Variants in IL16 observed in about 807,000 individuals in gnomAD.
IL16 encodes the protein interleukin 16.
Under a neutral mutation model 110.1 loss-of-function variants are expected in IL16, and 67 were observed. The ratio of observed to expected loss-of-function variants is 0.61; its 90% confidence interval spans 0.50 to 0.75. The LOEUF (loss-of-function observed/expected upper bound fraction) is 0.75. IL16 is among the 30% of genes least tolerant of loss of function. The probability of loss-of-function intolerance (pLI) is 0.00; values close to 1 mark genes in which losing one functional copy is unlikely to be tolerated. For missense variants in IL16, 1,545 were observed against 1,655.0 expected, an observed-to-expected ratio of 0.93 and a Z score of 1.15; for synonymous variants, 689 against 662.9, an observed-to-expected ratio of 1.04 and a Z score of -0.61.
At chr15:81,200,951 C>G (rs756484884) in intron 1 of IL16, among the ~76,000 whole-genome samples, 2 of 152,128 alleles carry the variant, frequency 1.3e-5, no homozygotes, top group Non-Finnish European at 2.9e-5. Flanking sequence ...CAGTCTTATG[C>G]GCTTTCCCTC....
chr15:81,195,121 A>G, upstream of IL16, among the ~76,000 whole-genome samples: 1 of 152,174 alleles, frequency 6.6e-6, no homozygotes, highest in East Asian at 1.9e-4. Flanking sequence ...AGTCTCAACT[A>G]CACTTTGGAA....
intron 11 of IL16, among the ~76,000 whole-genome samples, chr15:81,291,125 T>C (rs189389072): frequency 6.8e-4 from 103 of 152,314 alleles, no homozygotes; most frequent in African/African-American, 2.2e-3. Context: ...TGCCTAGCCA[T>C]TGGGCATTAA....
chr15:81,281,455 C>T (rs1412726317), intron 8 of IL16, among the ~76,000 whole-genome samples: 2 of 152,228 alleles, frequency 1.3e-5, no homozygotes, highest in South Asian at 2.1e-4. Flanking sequence ...CATGCAGCTA[C>T]GTTCAAACTT....
chr15:81,245,221 A>G (rs559034631), intron 2 of IL16, among the ~76,000 whole-genome samples: 48 of 152,306 alleles, frequency 3.2e-4, no homozygotes, highest in African/African-American at 1.1e-3. Context: ...GTAATTTTCA[A>G]TTGAATCCTG....
At chr15:81,210,590 C>T (rs753043072) in intron 1 of IL16, among the ~76,000 whole-genome samples, 5 of 151,896 alleles carry the variant, frequency 3.3e-5, no homozygotes, top group Non-Finnish European at 5.9e-5. Flanking sequence ...CTTCGTTATT[C>T]ATTTTCTTTG....
rs1353675327 is a variant in IL16 at position 81,311,481 on chromosome 15, C to G, written c.*2683C>G. On this transcript the variant is annotated 3_prime_UTR_variant, in exon 19 of 19. Coordinates refer to ENST00000683961, the MANE Select transcript of IL16 (RefSeq NM_172217.5). ...ATGTTTTCCAGCTCCTCATCCAGGG[C>G]TCTGACCAGTTTAACCTGATGCAGT... is the stretch of plus-strand genomic sequence containing the variant. 1 of 152,252 alleles carries G rather than the reference C, an allele frequency of 6.6e-6. No individual in the cohort carries two copies. Among genetic ancestry groups the G allele is most frequent in the African/African-American group, 2.4e-5 (1 of 41,450 alleles). The allele number at this position is 152,252 out of a possible 1,614,324, so 9.4% of individuals were successfully genotyped here.
chr15:81,291,850 G>C, intron 11 of IL16: 1 of 452,474 alleles, frequency 2.2e-6, no homozygotes, highest in Non-Finnish European at 4.5e-6. Context: ...GCCTTGACAG[G>C]TAGTTTCTCT....
In IL16 at chr15:81,265,749, G is replaced by A. The variant is rs748125733; in HGVS notation, c.512G>A (p.Ser171Asn). ...GACAGGCAGCCTTACTCTCTCTGCA[G>A]TAACAGGAAGTCCCTCTCTCAACAA... Reference protein sequence around the residue: ...PTDRQPYSLCSNRKSLSQQLD... With the variant: ...PTDRQPYSLCNNRKSLSQQLD... Residue 171 changes from serine to asparagine, a missense_variant, in exon 4 of 19, where the codon AGT (serine) becomes AAT (asparagine). Physicochemically the swap from Ser to Asn is conservative, Grantham distance 46. This residue lies in a region of IL16 where 1,185 missense variants were observed against 1,238.8 expected (regional missense o/e 0.96). Coordinates refer to ENST00000683961, the MANE Select transcript of IL16 (RefSeq NM_172217.5). 3.1e-6 allele frequency: 5 copies of A among 1,613,720 alleles called. No individual in the cohort carries two copies. Among genetic ancestry groups the A allele is most frequent in the Non-Finnish European group, 4.2e-6 (5 of 1,179,860 alleles).
intron 10 of IL16, among the ~76,000 whole-genome samples, chr15:81,288,829 ATGTG>A (rs149894902): frequency 7.1e-6 from 1 of 140,860 alleles, no homozygotes; most frequent in Non-Finnish European, 1.6e-5. Context: ...TAGTATGTGT[ATGTG>A]TGTGTGTGTG....
At chr15:81,187,839 G>A (rs1895440412) in intron 1 of IL16, among the ~76,000 whole-genome samples, 2 of 152,160 alleles carry the variant, frequency 1.3e-5, no homozygotes, top group Admixed American at 1.3e-4. Flanking sequence ...GGGGGTTCTG[G>A]GATAAGAAAG....
intron 2 of IL16, among the ~76,000 whole-genome samples, chr15:81,241,868 A>AT (rs1036460844): frequency 2.0e-5 from 3 of 149,404 alleles, no homozygotes; most frequent in African/African-American, 7.4e-5. Context: ...CTTTTCTCCT[A>AT]TTTTTTCTAG....
intron 1 of IL16, among the ~76,000 whole-genome samples, chr15:81,200,089 A>G (rs1895754759): frequency 6.6e-6 from 1 of 152,204 alleles, no homozygotes; most frequent in African/African-American, 2.4e-5. Flanking sequence ...TCCTTTTTCT[A>G]AAACAAAAAA....
At chr15:81,278,570 A>T (rs1299149191) in intron 6 of IL16, among the ~76,000 whole-genome samples, 1 of 152,226 alleles carries the variant, frequency 6.6e-6, no homozygotes. Flanking sequence ...GACCATATCC[A>T]GCCAGGACTT....
At chr15:81,306,365 A>T in intron 17 of IL16, 55 bp from the exon 18 acceptor site, 5 of 1,603,840 alleles carry the variant, frequency 3.1e-6, no homozygotes, top group Non-Finnish European at 3.4e-6. Context: ...AGCCCAGGGC[A>T]TCTGTGGCCT....
Position 81,308,906 on chromosome 15 carries a change from C to G in IL16, c.*108C>G. 1.0e-6 allele frequency: 1 copy of G among 994,780 alleles called. No homozygotes were observed. Among genetic ancestry groups the G allele is most frequent in the Non-Finnish European group, 1.5e-6 (1 of 683,176 alleles). 61.6% of individuals were successfully genotyped at this position (994,780 alleles called of 1,614,324 possible). A position where few individuals can be genotyped will look rare whatever the true frequency, so the allele number is the denominator to read the frequency against. On this transcript the variant is annotated 3_prime_UTR_variant, in exon 19 of 19. Coordinates refer to ENST00000683961, the MANE Select transcript of IL16 (RefSeq NM_172217.5). ...CGCCCCACCCAGATGGGGGAAAGCACAGGTGGGCTTCCCAGTGGCTGCTGC... is the reference window on the plus strand; with the variant it reads ...CGCCCCACCCAGATGGGGGAAAGCAGAGGTGGGCTTCCCAGTGGCTGCTGC...
chr15:81,283,411 C>T (rs1899286484), intron 9 of IL16, among the ~76,000 whole-genome samples: 1 of 152,042 alleles, frequency 6.6e-6, no homozygotes, highest in South Asian at 2.1e-4. Context: ...TAGCTCAGAG[C>T]CGTGTTCCTC....
At chr15:81,288,452 G>A (rs563600034) in intron 10 of IL16, among the ~76,000 whole-genome samples, 3 of 152,262 alleles carry the variant, frequency 2.0e-5, no homozygotes, top group South Asian at 4.2e-4. Context: ...GTTTATTGTG[G>A]TAAAATACAC....
intron 2 of IL16, among the ~76,000 whole-genome samples, chr15:81,247,070 C>CTCTTTTTTTTTTTTT (rs1567016849): frequency 1.9e-5 from 2 of 107,608 alleles, no homozygotes; most frequent in African/African-American, 7.0e-5. Flanking sequence ...TCTTTCTTTT[C>CTCTTTTTTTTTTTTT]TTTTCCTTTT....
chr15:81,245,057 A>G (rs1439281782), intron 2 of IL16, among the ~76,000 whole-genome samples: 1 of 151,930 alleles, frequency 6.6e-6, no homozygotes, highest in Non-Finnish European at 1.5e-5. Context: ...CATTGTTTTG[A>G]GCATGTTTGC....
Sources: allele counts gnomAD v4.1 joint callset (sites outside exome capture counted in the v4.1 genomes callset), GRCh38; gene constraint gnomAD v4.1.1; regional missense constraint gnomAD v4.1.1; transcripts MANE v1.5; gene names NCBI Gene and HGNC (gene_info 2026-07-23, HGNC 2026-07-21).